Variants in RBFOX1 observed in about 807,000 individuals in gnomAD.
RBFOX1 encodes the protein RNA binding protein fox-1 homolog 1.
RBFOX1 carries 8 observed loss-of-function variants against 57.7 expected under a neutral mutation model. The ratio of observed to expected loss-of-function variants is 0.14; its 90% confidence interval spans 0.08 to 0.25. RBFOX1 has a LOEUF of 0.25. RBFOX1 is among the 10% of genes least tolerant of loss of function. RBFOX1 has a pLI of 1.00. For missense variants in RBFOX1, 611 were observed against 548.5 expected, an observed-to-expected ratio of 1.11 and a Z score of -1.14; for synonymous variants, 326 against 222.4, an observed-to-expected ratio of 1.47 and a Z score of -4.15.
intron 2 of RBFOX1, among the ~76,000 whole-genome samples, chr16:5,496,799 A>G (rs1322848862): frequency 2.0e-5 from 3 of 152,182 alleles, no homozygotes; most frequent in Non-Finnish European, 4.4e-5. Context: ...CTAGTTAGAG[A>G]TCATTTCCAA....
chr16:5,793,922 G>A (rs1446536056), intron 3 of RBFOX1, among the ~76,000 whole-genome samples: 1 of 152,198 alleles, frequency 6.6e-6, no homozygotes, highest in African/African-American at 2.4e-5. Flanking sequence ...TCTTGGGTGA[G>A]CCATTTAAGC....
intron 1 of RBFOX1, among the ~76,000 whole-genome samples, chr16:5,352,670 C>T (rs753835589): frequency 5.3e-5 from 8 of 152,284 alleles, no homozygotes; most frequent in Non-Finnish European, 7.3e-5. Flanking sequence ...TCGGTGGTCA[C>T]GGTGGCTCAT....
At chr16:6,844,749 G>T (rs1317373678) in intron 3 of RBFOX1, among the ~76,000 whole-genome samples, 1 of 152,124 alleles carries the variant, frequency 6.6e-6, no homozygotes, top group Non-Finnish European at 1.5e-5. Flanking sequence ...CTAGGTCTTT[G>T]AGGAATTGTT....
intron 3 of RBFOX1, among the ~76,000 whole-genome samples, chr16:6,981,009 C>T (rs545200952): frequency 8.5e-6 from 1 of 118,140 alleles, no homozygotes; most frequent in Non-Finnish European, 1.6e-5. Context: ...CGCCACTGCA[C>T]TCCAGCCTGG....
chr16:6,498,824 C>A (rs2095843263), intron 2 of RBFOX1, among the ~76,000 whole-genome samples: 1 of 152,260 alleles, frequency 6.6e-6, no homozygotes, highest in African/African-American at 2.4e-5. Context: ...TAGTTCTTCT[C>A]CTGAAGCCAA....
intron 3 of RBFOX1, among the ~76,000 whole-genome samples, chr16:6,769,971 G>A (rs997480169): frequency 6.6e-6 from 1 of 152,118 alleles, no homozygotes; most frequent in Non-Finnish European, 1.5e-5. Context: ...ATGCCTGCAG[G>A]CTACAGGTCC....
chr16:7,026,294 C>G (rs8050721), intron 3 of RBFOX1, among the ~76,000 whole-genome samples: 2,331 of 152,262 alleles, frequency 0.015, 66 homozygotes, highest in African/African-American at 0.053. Flanking sequence ...AGATTGCCAC[C>G]AGGCCATGTT....
chr16:7,054,166 C>CCA (rs2051112701), intron 4 of RBFOX1, among the ~76,000 whole-genome samples: 1 of 126,952 alleles, frequency 7.9e-6, no homozygotes, highest in Non-Finnish European at 1.5e-5. Context: ...AAGAGCCCTT[C>CCA]CATCACCTCA....
At chr16:7,549,533 A>C (rs1181215547) in intron 5 of RBFOX1, among the ~76,000 whole-genome samples, 15 of 152,184 alleles carry the variant, frequency 9.9e-5, no homozygotes. Flanking sequence ...GCTGAAGAGC[A>C]AGGAAGCCAG....
In RBFOX1 at chr16:5,278,889, A is replaced by T. The variant is rs185379955; in HGVS notation, c.219+38784A>T. ...GTTCTTGACACCTTTCTTGAAAATC[A>T]GTTAGCTGTAAATACGTGGATTCAT... On this transcript the variant is annotated intron_variant, in intron 1 of 2. Transcript: ENST00000585867. Among the ~76,000 whole-genome samples the T allele has an allele frequency of 1.4e-3, 214 of 152,306 alleles. 1 individual carries two copies. Among genetic ancestry groups the T allele is most frequent in the African/African-American group, 4.7e-3 (194 of 41,566 alleles).
At chr16:5,531,802 CTT>C (rs35194843) in intron 2 of RBFOX1, among the ~76,000 whole-genome samples, 40,115 of 134,134 alleles carry the variant, frequency 0.3, 5,789 homozygotes, top group Non-Finnish European at 0.36. Context: ...GTCAAGAGGT[CTT>C]TTTTTTTTTT....
chr16:6,769,921 T>G (rs752165423), intron 3 of RBFOX1, among the ~76,000 whole-genome samples: 16 of 152,198 alleles, frequency 1.1e-4, no homozygotes, highest in Non-Finnish European at 2.1e-4. Flanking sequence ...GTCTGTTGTT[T>G]AGAGGGGGAT....
rs116901254 is a variant in RBFOX1 at position 6,938,054 on chromosome 16, T to C, written c.-15-114003T>C. ...GTAGAAATGGGAGCTAATTGTGATA[T>C]GGATATCCCTCAGTTTCTGCTTGCT... On this transcript the variant is annotated intron_variant, in intron 3 of 15. Coordinates refer to ENST00000550418, the MANE Select transcript of RBFOX1 (RefSeq NM_018723.4). Among the ~76,000 whole-genome samples the C allele has an allele frequency of 2.6e-3, 393 of 151,912 alleles. 12 individuals are homozygous for C. In the East Asian group the frequency reaches 0.058, roughly 22 times the overall value.
chr16:6,579,456 A>C (rs756095533), intron 2 of RBFOX1, among the ~76,000 whole-genome samples: 11 of 152,100 alleles, frequency 7.2e-5, no homozygotes, highest in Non-Finnish European at 8.8e-5. Flanking sequence ...GACCTGGTGG[A>C]AGGTAATTGA....
chr16:7,023,436 G>C (rs2039897373), intron 3 of RBFOX1, among the ~76,000 whole-genome samples: 1 of 150,802 alleles, frequency 6.6e-6, no homozygotes, highest in African/African-American at 2.4e-5. Context: ...TTCTAGCCTG[G>C]ATGACAGAGT....
chr16:5,907,703 G>A (rs2058494423), intron 4 of RBFOX1, among the ~76,000 whole-genome samples: 2 of 150,054 alleles, frequency 1.3e-5, no homozygotes, highest in Non-Finnish European at 3.0e-5. Context: ...ATTAAGACGC[G>A]AACTCAAGGA....
At chr16:5,599,506 C>T (rs2047296194) in exon 3 of RBFOX1, 1 of 439,916 alleles carries the variant, frequency 2.3e-6, no homozygotes, top group Non-Finnish European at 4.0e-6. Context: ...TGCACAGATA[C>T]TTCTGAAATC....
intron 1 of RBFOX1, among the ~76,000 whole-genome samples, chr16:5,299,961 C>T (rs1038205590): frequency 6.0e-5 from 9 of 149,652 alleles, no homozygotes; most frequent in African/African-American, 2.0e-4. Flanking sequence ...AGGATGTTTC[C>T]TTTTATTCCT....
chr16:5,498,922 C>G (rs2043096260), intron 2 of RBFOX1, among the ~76,000 whole-genome samples: 1 of 152,146 alleles, frequency 6.6e-6, no homozygotes, highest in South Asian at 2.1e-4. Context: ...CTCAGAGGTA[C>G]TAAGTCAGGC....
Sources: gnomAD v4.1 joint callset for allele counts (sites outside exome capture counted in the v4.1 genomes callset) on GRCh38, gnomAD v4.1.1 for gene constraint, MANE v1.5 for transcripts, NCBI Gene and HGNC (gene_info 2026-07-23, HGNC 2026-07-21) for gene names.